Variants in MAGI1 observed in about 807,000 individuals in gnomAD.
MAGI1 encodes the protein membrane associated guanylate kinase, WW and PDZ domain containing 1.
Under a neutral mutation model 139.9 loss-of-function variants are expected in MAGI1, and 58 were observed. The ratio of observed to expected loss-of-function variants is 0.41; its 90% CI spans 0.34 to 0.52. The LOEUF (loss-of-function observed/expected upper bound fraction) is 0.52, where lower values mean the gene tolerates loss of function less well. Ranked by LOEUF, MAGI1 falls within the 20% of genes least tolerant of loss-of-function variation. The pLI, the probability that MAGI1 is intolerant of heterozygous loss-of-function variation, is 0.12. For missense variants in MAGI1, 1,874 were observed against 1,901.6 expected (o/e 0.99, Z 0.27); for synonymous variants, 812 against 737.9 (o/e 1.10, Z -1.63).
chr3:65,829,585 C>A (rs1399334321), intron 1 of MAGI1, among the ~76,000 whole-genome samples: 1 of 152,204 alleles, frequency 6.6e-6, no homozygotes, highest in African/African-American at 2.4e-5. Context: ...CAATAAATTT[C>A]TCATGCTTGT....
intron 13 of MAGI1, 61 bp downstream of exon 13, chr3:65,401,376 ACC>A: frequency 4.9e-6 from 2 of 406,690 alleles, no homozygotes; most frequent in Non-Finnish European, 8.9e-6. Flanking sequence ...GTACCCTCCC[ACC>A]TCCAGCCCCC....
chr3:65,491,835 A>T (rs1191839053), intron 3 of MAGI1, among the ~76,000 whole-genome samples: 2 of 152,052 alleles, frequency 1.3e-5, no homozygotes, highest in African/African-American at 4.8e-5. Context: ...AAAAACAAAC[A>T]AACAAAAATT....
At chr3:65,589,343 A>G (rs1022384833) in intron 2 of MAGI1, among the ~76,000 whole-genome samples, 1 of 152,180 alleles carries the variant, frequency 6.6e-6, no homozygotes. Flanking sequence ...TCTGCTGGAC[A>G]GCCCACTTGC....
intron 1 of MAGI1, among the ~76,000 whole-genome samples, chr3:65,707,859 C>T (rs1044602577): frequency 6.6e-6 from 1 of 152,148 alleles, no homozygotes; most frequent in East Asian, 1.9e-4. Context: ...GAGAGGAAAG[C>T]AAGCCAATAA....
rs751115237 is a variant in MAGI1, at chr3:65,493,552, G to A, written c.510C>T (p.Leu170=). The A allele has an allele frequency of 7.4e-6, 12 of 1,614,086 alleles. No homozygotes were observed. The East Asian group carries it at 8.9e-5, about 12-fold the overall frequency. ...NFLTVKEFLD[L]EQSGTLLEVG... is the part of the protein sequence containing the mutation. ...CTTCCAGAAGAGTCCCACTCTGCTCGAGGTCCAAGAACTCCTTCACAGTCA... is the reference window on the plus strand; with the variant it reads ...CTTCCAGAAGAGTCCCACTCTGCTCAAGGTCCAAGAACTCCTTCACAGTCA... The change falls in exon 3 of 23, where the codon CTC becomes CTT. Residue 170 remains leucine (L), a synonymous_variant. Coordinates refer to ENST00000402939, the MANE Select transcript of MAGI1 (RefSeq NM_001033057.2).
At chr3:65,800,370 T>C (rs2040437625) in intron 1 of MAGI1, among the ~76,000 whole-genome samples, 1 of 152,212 alleles carries the variant, frequency 6.6e-6, no homozygotes, top group Non-Finnish European at 1.5e-5. Flanking sequence ...TTCCCTCCCC[T>C]TGGAGTATTT....
At chr3:65,428,670 C>T (rs78260986) in intron 12 of MAGI1, among the ~76,000 whole-genome samples, 7,633 of 152,194 alleles carry the variant, frequency 0.05, 340 homozygotes, top group African/African-American at 0.12. Flanking sequence ...TCCACATGCA[C>T]ACATGGGCCC....
At chr3:65,403,821 A>G (rs1314933978) in intron 12 of MAGI1, among the ~76,000 whole-genome samples, 1 of 152,250 alleles carries the variant, frequency 6.6e-6, no homozygotes, top group Non-Finnish European at 1.5e-5. Flanking sequence ...AGCAATGCAC[A>G]TTCAAAGGTG....
intron 1 of MAGI1, among the ~76,000 whole-genome samples, chr3:65,647,329 A>G (rs1487349424): frequency 6.6e-6 from 1 of 152,222 alleles, no homozygotes; most frequent in Non-Finnish European, 1.5e-5. Flanking sequence ...TAATTTGGAC[A>G]GTCTGAAAGC....
At chr3:65,699,595 G>A (rs1263855208) in intron 1 of MAGI1, among the ~76,000 whole-genome samples, 2 of 148,424 alleles carry the variant, frequency 1.3e-5, no homozygotes, top group Non-Finnish European at 3.0e-5. Flanking sequence ...GATGAAATTG[G>A]AAATCATCAT....
chr3:65,950,885 G>A (rs915037492), intron 1 of MAGI1, among the ~76,000 whole-genome samples: 8 of 151,720 alleles, frequency 5.3e-5, no homozygotes, highest in Non-Finnish European at 1.0e-4. Context: ...TGGCTTCCCT[G>A]GGCCACATTA....
intron 1 of MAGI1, among the ~76,000 whole-genome samples, chr3:65,872,364 C>A (rs264697): frequency 0.087 from 13,195 of 152,218 alleles, 1,898 homozygotes; most frequent in African/African-American, 0.3. Flanking sequence ...GTCTCCAACT[C>A]TTCCTCTCCA....
intron 1 of MAGI1, among the ~76,000 whole-genome samples, chr3:65,670,713 C>T (rs1200341382): frequency 2.0e-5 from 3 of 152,116 alleles, no homozygotes; most frequent in Non-Finnish European, 2.9e-5. Context: ...TTCATCTCTT[C>T]CCCGGGAACC....
intron 1 of MAGI1, among the ~76,000 whole-genome samples, chr3:65,954,183 T>A (rs1463069146): frequency 6.6e-6 from 1 of 152,146 alleles, no homozygotes; most frequent in Non-Finnish European, 1.5e-5. Context: ...GGGGGAATAA[T>A]CCTATAAGAA....
intron 1 of MAGI1, among the ~76,000 whole-genome samples, chr3:66,020,202 G>A (rs896864325): frequency 5.3e-5 from 8 of 152,192 alleles, no homozygotes; most frequent in Non-Finnish European, 1.2e-4. Context: ...CACTTTGCGA[G>A]GCTGAGGCAG....
chr3:65,578,030 C>G (rs1344754284), intron 2 of MAGI1, among the ~76,000 whole-genome samples: 1 of 152,338 alleles, frequency 6.6e-6, no homozygotes, highest in East Asian at 1.9e-4. Context: ...CTGTCCGCCC[C>G]TTGGCCTTCT....
In MAGI1 at chr3:65,774,445, A is replaced by T. The variant is rs147311053; in HGVS notation, c.314-152357T>A. On this transcript the variant is annotated intron_variant, in intron 1 of 22. Coordinates refer to ENST00000402939, the MANE Select transcript of MAGI1 (RefSeq NM_001033057.2). ...TTAGTTTCTGAAGTCCATGTTTGTT[A>T]TATATTCAAAATCTTCCTGGGGCAA... 3.9e-5 allele frequency among the ~76,000 whole-genome samples: 6 copies of T among 152,250 alleles called. No individual in the cohort carries two copies. In the East Asian group the frequency reaches 1.2e-3, roughly 29 times the overall value.
At chr3:65,798,860 G>A (rs983969806) in intron 1 of MAGI1, among the ~76,000 whole-genome samples, 3 of 152,154 alleles carry the variant, frequency 2.0e-5, no homozygotes, top group Non-Finnish European at 2.9e-5. Context: ...ACTGTGTCCA[G>A]CTCAAAGGGG....
At chr3:65,743,908 A>G (rs2035481825) in intron 1 of MAGI1, among the ~76,000 whole-genome samples, 1 of 152,120 alleles carries the variant, frequency 6.6e-6, no homozygotes, top group Non-Finnish European at 1.5e-5. Context: ...AAGATAATAT[A>G]TACTCACCAA....
Sources: gnomAD v4.1 joint callset for allele counts (sites outside exome capture counted in the v4.1 genomes callset) on GRCh38, gnomAD v4.1.1 for gene constraint, MANE v1.5 for transcripts, NCBI Gene and HGNC (gene_info 2026-07-23, HGNC 2026-07-21) for gene names.